Variants in FRMD5 observed in about 807,000 individuals in gnomAD.
FRMD5 encodes the protein FERM domain containing 5.
In FRMD5, 20 loss-of-function variants were observed where a neutral mutation model predicts 69.0. The observed-to-expected ratio is 0.29, with a 90% confidence interval of 0.20 to 0.42. The LOEUF is 0.42. Ranked by LOEUF, FRMD5 falls within the 10% of genes least tolerant of loss-of-function variation. The probability of loss-of-function intolerance (pLI) is 1.00; values close to 1 mark genes in which losing one functional copy is unlikely to be tolerated. For synonymous variants in FRMD5, 271 were observed against 260.1 expected, an observed-to-expected ratio of 1.04 and a Z score of -0.40; for missense variants, 595 against 708.6, an observed-to-expected ratio of 0.84 and a Z score of 1.82.
At position 44,116,523 on chromosome 15, in the gene FRMD5, C is replaced by T. The variant is rs75694747; in HGVS notation, c.102+78430G>A. ...TACATTTTGAAAACTGTCACAAAAG[C>T]ATCTGAAGATGTCAAGTAGACATGT... On this transcript the variant is annotated intron_variant, in intron 1 of 13. Transcript: ENST00000417257. 2.0e-5 allele frequency among the ~76,000 whole-genome samples: 3 copies of T among 152,270 alleles called. No homozygotes were observed. In the East Asian group the frequency reaches 5.8e-4, roughly 29 times the overall value.
chr15:43,990,223 C>T (rs1238512755), intron 1 of FRMD5: 9 of 428,264 alleles, frequency 2.1e-5, no homozygotes, highest in African/African-American at 6.1e-5. Flanking sequence ...GGCAGAGAGG[C>T]GAGGGCAAGG....
intron 1 of FRMD5, among the ~76,000 whole-genome samples, chr15:43,984,502 CCTA>C (rs940055001): frequency 5.9e-5 from 9 of 152,298 alleles, no homozygotes; most frequent in Non-Finnish European, 1.2e-4. Flanking sequence ...CTCCATAGCT[CCTA>C]CTACCTCAAC....
chr15:44,192,615 T>C lies in FRMD5; in HGVS notation c.102+2338A>G, dbSNP rs1595577273. Among the ~76,000 whole-genome samples, 3 of 152,212 alleles carry C rather than the reference T, an allele frequency of 2.0e-5. No individual in the cohort carries two copies. The East Asian group carries it at 5.8e-4, about 29-fold the overall frequency. ...TATACACACACACTCACTACAGAAA[T>C]GCATGAAGGGAAAAGCTGATAAGAA... On this transcript the variant is annotated intron_variant, in intron 1 of 13. Transcript: ENST00000417257.
At chr15:43,922,235 G>T (rs1185477328) in intron 2 of FRMD5, among the ~76,000 whole-genome samples, 5 of 152,194 alleles carry the variant, frequency 3.3e-5, no homozygotes, top group Middle Eastern at 6.3e-3. Context: ...GGCTGGCTTT[G>T]CCACTGACCT....
intron 1 of FRMD5, among the ~76,000 whole-genome samples, chr15:44,116,737 A>G (rs2076873808): frequency 6.6e-6 from 1 of 152,118 alleles, no homozygotes; most frequent in Non-Finnish European, 1.5e-5. Flanking sequence ...AGAAAACAGA[A>G]TTCTTGGATC....
At chr15:43,923,635 G>C (rs1566838417) in intron 2 of FRMD5, among the ~76,000 whole-genome samples, 1 of 152,240 alleles carries the variant, frequency 6.6e-6, no homozygotes, top group African/African-American at 2.4e-5. Flanking sequence ...GGAGAAATAG[G>C]CAGGGGCCTG....
At chr15:44,164,903 G>A (rs2140510298) in intron 1 of FRMD5, among the ~76,000 whole-genome samples, 1 of 152,338 alleles carries the variant, frequency 6.6e-6, no homozygotes, top group East Asian at 1.9e-4. Flanking sequence ...AGTGTTCAGT[G>A]TCCCAGATGA....
intron 1 of FRMD5, among the ~76,000 whole-genome samples, chr15:44,076,090 G>A (rs535734938): frequency 4.6e-5 from 7 of 152,184 alleles, no homozygotes; most frequent in Admixed American, 3.9e-4. Flanking sequence ...AGTAGGTTGC[G>A]AAAATTTTCT....
chr15:44,125,715 T>C (rs1014402292), intron 1 of FRMD5, among the ~76,000 whole-genome samples: 1 of 152,234 alleles, frequency 6.6e-6, no homozygotes, highest in African/African-American at 2.4e-5. Flanking sequence ...AATCAGTTTT[T>C]CTTAACAGTC....
chr15:44,145,085 G>C (rs2077336523), intron 1 of FRMD5, among the ~76,000 whole-genome samples: 2 of 152,090 alleles, frequency 1.3e-5, no homozygotes, highest in South Asian at 4.2e-4. Flanking sequence ...AATCCCAGGG[G>C]GATATATAAA....
At chr15:44,034,402 T>C (rs1355683610) in intron 1 of FRMD5, among the ~76,000 whole-genome samples, 1 of 152,234 alleles carries the variant, frequency 6.6e-6, no homozygotes, top group Non-Finnish European at 1.5e-5. Flanking sequence ...GTAATACCCA[T>C]GTGTTGTCTT....
chr15:44,108,622 G>T (rs2076753428), intron 1 of FRMD5, among the ~76,000 whole-genome samples: 1 of 152,100 alleles, frequency 6.6e-6, no homozygotes, highest in Admixed American at 6.6e-5. Context: ...TCCAGCCTGG[G>T]CAACAAGAGT....
intron 1 of FRMD5, among the ~76,000 whole-genome samples, chr15:44,018,330 A>C (rs2140243158): frequency 6.6e-6 from 1 of 152,328 alleles, no homozygotes; most frequent in East Asian, 1.9e-4. Flanking sequence ...TTCATGCCTC[A>C]GTGGGATTTA....
intron 1 of FRMD5, among the ~76,000 whole-genome samples, chr15:44,095,718 T>C (rs2076542087): frequency 6.6e-6 from 1 of 152,146 alleles, no homozygotes; most frequent in Non-Finnish European, 1.5e-5. Flanking sequence ...TTCAGTTACT[T>C]TATTCCCTCC....
intron 1 of FRMD5, among the ~76,000 whole-genome samples, chr15:44,044,148 T>C (rs1008762818): frequency 3.3e-5 from 5 of 152,076 alleles, no homozygotes; most frequent in Non-Finnish European, 5.9e-5. Context: ...GACATTTATG[T>C]GGCCAACAAA....
chr15:43,958,598 A>AT (rs757106230), intron 1 of FRMD5, among the ~76,000 whole-genome samples: 20 of 151,862 alleles, frequency 1.3e-4, no homozygotes, highest in African/African-American at 1.7e-4. Context: ...ATGTCTGGCT[A>AT]TTTTTTTGTA....
chr15:43,930,046 C>T (rs1414272888), intron 1 of FRMD5, among the ~76,000 whole-genome samples: 3 of 152,168 alleles, frequency 2.0e-5, no homozygotes, highest in East Asian at 1.9e-4. Context: ...TCACATGCTA[C>T]ACCCAGCCCA....
At chr15:44,030,018 C>A (rs1207773702) in intron 1 of FRMD5, among the ~76,000 whole-genome samples, 1 of 152,142 alleles carries the variant, frequency 6.6e-6, no homozygotes. Context: ...AATAAGTGAA[C>A]AAACAAATCA....
chr15:44,083,575 A>G (rs1482076178), intron 1 of FRMD5, among the ~76,000 whole-genome samples: 4 of 151,824 alleles, frequency 2.6e-5, no homozygotes, highest in African/African-American at 9.7e-5. Context: ...CTTTTATTTC[A>G]TTGTTCTTGA....
Sources: allele counts gnomAD v4.1 joint callset (sites outside exome capture counted in the v4.1 genomes callset), GRCh38; gene constraint gnomAD v4.1.1; transcripts MANE v1.5; gene names NCBI Gene and HGNC (gene_info 2026-07-23, HGNC 2026-07-21).